TMEM242: variants seen among roughly 807,000 people sequenced by gnomAD.
The protein encoded by TMEM242 is UPF0463 transmembrane protein C6orf35.
A neutral mutation model predicts 18.2 loss-of-function variants in TMEM242; 10 were observed. That is an observed-to-expected ratio of 0.55 (90% CI 0.34 to 0.93). The LOEUF is 0.93. TMEM242 is among the 40% of genes least tolerant of loss of function. The pLI is 0.02. For synonymous variants in TMEM242, 57 were observed against 69.9 expected (o/e 0.81, Z 0.92); for missense variants, 186 against 175.5 (o/e 1.06, Z -0.34).
In TMEM242 at chr6:157,294,048, C is replaced by G. The variant is rs1449874426; in HGVS notation, c.328-1049G>C. Among the ~76,000 whole-genome samples, 5 of 152,220 alleles carry G rather than the reference C, an allele frequency of 3.3e-5. No individual in the cohort carries two copies. In the East Asian group the frequency reaches 9.7e-4, roughly 29 times the overall value. On this transcript the variant is annotated intron_variant, in intron 3 of 3. Transcript: ENST00000400788. The stretch of plus-strand genomic sequence containing the variant: ...AGAGATCTTAACATGCAGTGTCACA[C>G]AGTATTACAGTTTACCTGGAGCACC...
At chr6:157,312,400 T>TCATAGTGCC in intron 3 of TMEM242, among the ~76,000 whole-genome samples, 1 of 131,144 alleles carries the variant, frequency 7.6e-6, no homozygotes, top group African/African-American at 3.0e-5. Context: ...TACCGCAGTA[T>TCATAGTGCC]CCACTCACCT....
chr6:157,294,970 G>A (rs1777733200), intron 3 of TMEM242, among the ~76,000 whole-genome samples: 1 of 152,188 alleles, frequency 6.6e-6, no homozygotes, highest in South Asian at 2.1e-4. Context: ...GTGAGATGAT[G>A]CATATAAAGC....
intron 3 of TMEM242, among the ~76,000 whole-genome samples, chr6:157,313,394 G>T (rs201813466): frequency 8.8e-4 from 15 of 17,128 alleles, no homozygotes; most frequent in South Asian, 4.7e-3. Flanking sequence ...ACGCTCACCG[G>T]GCCTTATTAC....
chr6:157,303,591 G>A (rs1164372057), intron 3 of TMEM242, among the ~76,000 whole-genome samples: 2 of 152,272 alleles, frequency 1.3e-5, no homozygotes, highest in East Asian at 3.8e-4. Context: ...AAAATGTTCT[G>A]TTCTTTGGAA....
rs1371438936 is a variant in TMEM242 at position 157,290,585 on chromosome 6, C to A, written c.*2316G>T. 1.3e-5 allele frequency: 2 copies of A among 152,216 alleles called. No homozygotes were observed. The highest frequency in any genetic ancestry group is 2.9e-5 in the Non-Finnish European group (2 of 68,028). 9.4% of individuals were successfully genotyped at this position (152,216 alleles called of 1,614,324 possible). A position where few individuals can be genotyped will look rare whatever the true frequency, so the allele number is the denominator to read the frequency against. On this transcript the variant is annotated 3_prime_UTR_variant, in exon 4 of 4. Transcript: ENST00000400788. Reference sequence around the variant, plus strand: ...ATAAAGAATAACATTATCTGTTCAACATTTTTCCTTTCCATTAACCAATTT... The same window carrying A: ...ATAAAGAATAACATTATCTGTTCAAAATTTTTCCTTTCCATTAACCAATTT...
intron 3 of TMEM242, among the ~76,000 whole-genome samples, chr6:157,313,105 C>G (rs1554249618): frequency 1.5e-5 from 2 of 137,266 alleles, no homozygotes; most frequent in Non-Finnish European, 3.2e-5. Context: ...TCAAAGTGTC[C>G]CAGTGTGTGC....
intron 3 of TMEM242, among the ~76,000 whole-genome samples, chr6:157,300,298 T>C (rs1347404185): frequency 6.6e-6 from 1 of 152,260 alleles, no homozygotes; most frequent in Non-Finnish European, 1.5e-5. Context: ...CTTCAACATG[T>C]ACTTTCCGTT....
Position 157,318,852 on chromosome 6 carries a change from C to A in TMEM242, c.257G>T (p.Gly86Val). 1.2e-6 allele frequency: 2 copies of A among 1,613,100 alleles called. No individual in the cohort carries two copies. Among genetic ancestry groups the A allele is most frequent in the Non-Finnish European group, 1.7e-6 (2 of 1,179,268 alleles). The change falls in exon 3 of 4, where the codon GGC becomes GTC. Residue 86 changes from glycine to valine, a missense_variant. Gly to Val is a moderately radical substitution (Grantham distance 109, BLOSUM62 -3). Coordinates refer to ENST00000400788, the MANE Select transcript of TMEM242 (RefSeq NM_018452.6). ...AACCCCACACCATGCATACAGGGAGCCCCAGCCCAGAGCTCGCAAGGCAAG... is the reference window on the plus strand; with the variant it reads ...AACCCCACACCATGCATACAGGGAGACCCAGCCCAGAGCTCGCAAGGCAAG... The part of the protein sequence containing the change: ...SSLALRALGW[G>V]SLYAWCGVGV...
rs1554250867 is a variant in TMEM242 at position 157,323,429 on chromosome 6, C to G, written c.71G>C (p.Arg24Pro). 4 of 1,614,112 alleles carry G rather than the reference C, an allele frequency of 2.5e-6. No individual in the cohort carries two copies. In the Middle Eastern group the frequency reaches 4.9e-4, roughly 200 times the overall value. ...CATCTTACCTTTAACCAGGAAAAGC[C>G]GGTCATTCGTGGACCCCGGAGCCTC... is the stretch of plus-strand genomic sequence containing the variant. The part of the protein sequence containing the change: ...GLEAPGSTND[R>P]LFLVKGGIFL... The change falls in exon 1 of 4, where the codon CGG becomes CCG. Residue 24 changes from arginine to proline, a missense_variant. By Grantham distance (103) the Arg-to-Pro change is moderately radical. Coordinates refer to ENST00000400788, the MANE Select transcript of TMEM242 (RefSeq NM_018452.6).
rs587655212 is a variant in TMEM242 at position 157,312,452 on chromosome 6, T to G, written c.327+6330A>C. ...CACAGTGTGCACTCACCGAGCCTCA[T>G]AGTGCCCCAGCGTGCACTCACCTAG... On this transcript the variant is annotated intron_variant, in intron 3 of 3. Coordinates refer to ENST00000400788, the MANE Select transcript of TMEM242 (RefSeq NM_018452.6). Among the ~76,000 whole-genome samples, 65 of 144,432 alleles carry G rather than the reference T, an allele frequency of 4.5e-4. 7 individuals are homozygous for G. Among genetic ancestry groups the G allele is most frequent in the Admixed American group, 1.9e-3 (28 of 14,528 alleles). 94.8% of individuals were successfully genotyped at this position (144,432 alleles called of 152,430 possible).
intron 3 of TMEM242, among the ~76,000 whole-genome samples, chr6:157,304,679 C>G (rs587710245): frequency 1.3e-5 from 2 of 152,002 alleles, no homozygotes; most frequent in Non-Finnish European, 2.9e-5. Context: ...ACTGATAAAA[C>G]AAGACAATGG....
chr6:157,312,782 A>T (rs1222263164), intron 3 of TMEM242, among the ~76,000 whole-genome samples: 2 of 19,134 alleles, frequency 1.0e-4, no homozygotes, highest in Non-Finnish European at 2.0e-4. Context: ...GCGCTCACCT[A>T]GCTTCATCAT....
At chr6:157,299,883 C>A (rs1777802992) in intron 3 of TMEM242, 1 of 1,613,134 alleles carries the variant, frequency 6.2e-7, no homozygotes, top group African/African-American at 1.3e-5. Context: ...TCACTCAAGC[C>A]TTTTAATAAG....
chr6:157,312,462 GCGTGCAC>G (rs1778189223), intron 3 of TMEM242, among the ~76,000 whole-genome samples: 5 of 8,738 alleles, frequency 5.7e-4, no homozygotes, highest in Admixed American at 2.2e-3. Flanking sequence ...TAGTGCCCCA[GCGTGCAC>G]TCACCTAGCC....
chr6:157,298,255 C>T (rs991616718), intron 3 of TMEM242, among the ~76,000 whole-genome samples: 3 of 152,156 alleles, frequency 2.0e-5, no homozygotes, highest in Admixed American at 1.3e-4. Context: ...TTCTCAGGAG[C>T]GATTCTAAAA....
At chr6:157,315,860 G>C (rs1238221698) in intron 3 of TMEM242, among the ~76,000 whole-genome samples, 4 of 152,118 alleles carry the variant, frequency 2.6e-5, no homozygotes, top group African/African-American at 7.2e-5. Flanking sequence ...CTGATTAAAT[G>C]ATATACCACT....
intron 3 of TMEM242, among the ~76,000 whole-genome samples, chr6:157,314,984 G>C (rs587596003): frequency 6.6e-6 from 1 of 152,156 alleles, no homozygotes; most frequent in African/African-American, 2.4e-5. Flanking sequence ...AATTCAATTC[G>C]AGCTAGCTAC....
At chr6:157,296,882 C>T (rs1258050721) in intron 3 of TMEM242, among the ~76,000 whole-genome samples, 1 of 152,144 alleles carries the variant, frequency 6.6e-6, no homozygotes, top group African/African-American at 2.4e-5. Flanking sequence ...GGTAGTAGTG[C>T]TCAAATGGAA....
chr6:157,321,704 T>C (rs1410546015), intron 2 of TMEM242, among the ~76,000 whole-genome samples: 2 of 152,196 alleles, frequency 1.3e-5, no homozygotes, highest in Non-Finnish European at 2.9e-5. Context: ...AGTTGTGATA[T>C]GTGTACGTGC....
Sources: gnomAD v4.1 joint callset for allele counts (sites outside exome capture counted in the v4.1 genomes callset) on GRCh38, gnomAD v4.1.1 for gene constraint, MANE v1.5 for transcripts, NCBI Gene and HGNC (gene_info 2026-07-23, HGNC 2026-07-21) for gene names.